Variants in PMM2 observed in about 807,000 individuals in gnomAD.
The protein encoded by PMM2 is mannose-6-phosphate isomerase.
In PMM2, 35 loss-of-function variants were observed where a neutral mutation model predicts 33.2. That is an observed-to-expected ratio of 1.06 (90% confidence interval 0.81 to 1.40). The LOEUF is 1.40. Among genes scored for constraint, PMM2 ranks in the 40% most tolerant of loss-of-function variants. The probability of loss-of-function intolerance (pLI) is 0.00; values close to 1 mark genes in which losing one functional copy is unlikely to be tolerated. For missense variants in PMM2, 386 were observed against 306.0 expected, an observed-to-expected ratio of 1.26 and a Z score of -1.95; for synonymous variants, 153 against 114.7, an observed-to-expected ratio of 1.33 and a Z score of -2.13.
intron 7 of PMM2, among the ~76,000 whole-genome samples, chr16:8,834,026 G>A (rs889837622): frequency 6.6e-6 from 1 of 151,952 alleles, no homozygotes; most frequent in African/African-American, 2.4e-5. Context: ...GAGATAGTAG[G>A]GATGACAAGT....
At chr16:8,845,937 C>T (rs1008813661) in intron 7 of PMM2, among the ~76,000 whole-genome samples, 2 of 151,630 alleles carry the variant, frequency 1.3e-5, no homozygotes, top group African/African-American at 2.4e-5. Flanking sequence ...ACCCTATGTC[C>T]GAAGGAAAAA....
Position 8,812,976 on chromosome 16 carries a change from G to C in PMM2, c.524-15G>C, listed in dbSNP as rs770574770. On this transcript the variant is annotated splice_polypyrimidine_tract_variant and intron_variant, in intron 6 of 7. Transcript: ENST00000268261. ...TTCACCTTTTGCCTTTGTGTGCCCC[G>C]TCCCCACCCGGCAGGAGGCCAGATC... 1.3e-6 allele frequency: 2 copies of C among 1,483,532 alleles called. No individual in the cohort carries two copies. The allele number at this position is 1,483,532 out of a possible 1,614,324, so 91.9% of individuals were successfully genotyped here. A position where few individuals can be genotyped will look rare whatever the true frequency, so the allele number is the denominator to read the frequency against.
Position 8,830,670 on chromosome 16 carries a change from G to A in PMM2, c.640-17054G>A, listed in dbSNP as rs531603562. Among the ~76,000 whole-genome samples, 10 of 152,318 alleles carry A rather than the reference G, an allele frequency of 6.6e-5. No individual in the cohort carries two copies. In the South Asian group the frequency reaches 1.9e-3, roughly 28 times the overall value. On this transcript the variant is annotated intron_variant, in intron 7 of 7. Coordinates refer to ENST00000268261, the MANE Select transcript of PMM2 (RefSeq NM_000303.3). The stretch of plus-strand genomic sequence containing the variant: ...AGCACTGATCTTAGGATTTACAAGC[G>A]ATGTTATTCTCAGGAGCAATGTGGG...
At chr16:8,820,177 A>G (rs1267851350) in intron 7 of PMM2, among the ~76,000 whole-genome samples, 2 of 152,124 alleles carry the variant, frequency 1.3e-5, no homozygotes, top group Non-Finnish European at 2.9e-5. Flanking sequence ...AGGCTGGGCA[A>G]CAGAGTGAAA....
intron 1 of PMM2, 101 bp downstream of exon 1, chr16:8,798,049 G>A (rs1039640759): frequency 2.6e-6 from 3 of 1,149,030 alleles, no homozygotes; most frequent in African/African-American, 1.5e-5. Context: ...GGGTGGCTAA[G>A]GACCGCCTAC....
At chr16:8,820,511 G>A (rs1229602068) in intron 7 of PMM2, among the ~76,000 whole-genome samples, 3 of 151,910 alleles carry the variant, frequency 2.0e-5, no homozygotes, top group East Asian at 1.9e-4. Flanking sequence ...CCACCACCAC[G>A]CCTGGCTAAT....
At chr16:8,836,649 A>G (rs1401276098) in intron 7 of PMM2, among the ~76,000 whole-genome samples, 2 of 151,904 alleles carry the variant, frequency 1.3e-5, no homozygotes. Context: ...AAGTCCTGTT[A>G]TGGGGTTTGA....
chr16:8,798,854 G>A (rs1478218382), intron 1 of PMM2, among the ~76,000 whole-genome samples: 1 of 152,122 alleles, frequency 6.6e-6, no homozygotes, highest in Non-Finnish European at 1.5e-5. Flanking sequence ...TTTTCGCTTG[G>A]TGGTAACAAT....
chr16:8,812,905 C>G (rs2060685283), intron 6 of PMM2, 86 bp from the exon 7 acceptor site: 2 of 832,638 alleles, frequency 2.4e-6, no homozygotes, highest in South Asian at 2.7e-5. Flanking sequence ...CACTAACTGA[C>G]AAAAGAGTAA....
chr16:8,825,233 A>G (rs980408674), intron 7 of PMM2, among the ~76,000 whole-genome samples: 6 of 152,030 alleles, frequency 3.9e-5, no homozygotes, highest in East Asian at 1.9e-4. Flanking sequence ...GGGTTTCACC[A>G]TGTTAGCCAG....
In PMM2 at chr16:8,832,072, G is replaced by T. The variant is rs540382541; in HGVS notation, c.640-15652G>T. On this transcript the variant is annotated intron_variant, in intron 7 of 7. Coordinates refer to ENST00000268261, the MANE Select transcript of PMM2 (RefSeq NM_000303.3). ...TCTAGCCTTATTATTCTAGAGGGCA[G>T]CCAGCTTTCCTTTCATTTCATTTGG... 9 of 903,732 alleles carry T rather than the reference G, an allele frequency of 1.0e-5. No individual in the cohort carries two copies. The Admixed American group carries it at 4.9e-4, about 50-fold the overall frequency. The allele number at this position is 903,732 out of a possible 1,614,324, so 56.0% of individuals were successfully genotyped here. A position where few individuals can be genotyped will look rare whatever the true frequency, so the allele number is the denominator to read the frequency against.
Position 8,832,330 on chromosome 16 carries a change from C to T in PMM2, c.640-15394C>T, listed in dbSNP as rs140486173. 3.9e-4 allele frequency: 388 copies of T among 985,420 alleles called. 1 individual carries two copies. The African/African-American group carries it at 6.2e-3, about 16-fold the overall frequency. 61.0% of individuals were successfully genotyped at this position (985,420 alleles called of 1,614,324 possible). The stretch of plus-strand genomic sequence containing the variant: ...AGCTGAGAAGCAACCCAGAGAGGCT[C>T]CTGCAGCCAGGGTCGGGAGGATTTC... On this transcript the variant is annotated intron_variant, in intron 7 of 7. Transcript: ENST00000268261.
chr16:8,830,862 G>A (rs1596499081), intron 7 of PMM2, among the ~76,000 whole-genome samples: 2 of 152,244 alleles, frequency 1.3e-5, no homozygotes, highest in South Asian at 4.1e-4. Context: ...CTATAGGCCG[G>A]GCAGGGTGGC....
rs769332588 is a variant in PMM2, at chr16:8,847,774, C to T, written c.690C>T (p.Ser230=). The change falls in exon 8 of 8, where the codon TCC becomes TCT. Residue 230 remains serine (S), a synonymous_variant. Transcript: ENST00000268261. The part of the protein sequence containing the change: ...IFTDPRTMGY[S]VTAPEDTRRI... The stretch of plus-strand genomic sequence containing the variant: ...CAGACCCCAGAACCATGGGCTACTC[C>T]GTGACAGCGCCTGAGGACACGCGCA... 3.5e-5 allele frequency: 56 copies of T among 1,613,914 alleles called. No homozygotes were observed. The highest frequency in any genetic ancestry group is 4.5e-5 in the Non-Finnish European group (53 of 1,179,954).
chr16:8,802,577 C>T (rs1249182520), intron 2 of PMM2, among the ~76,000 whole-genome samples: 1 of 152,106 alleles, frequency 6.6e-6, no homozygotes, highest in Non-Finnish European at 1.5e-5. Context: ...GCTTATAATC[C>T]CAGCACTTGG....
At chr16:8,799,511 C>T (rs2060599303) in intron 1 of PMM2, among the ~76,000 whole-genome samples, 1 of 151,834 alleles carries the variant, frequency 6.6e-6, no homozygotes. Flanking sequence ...GTATGCCATT[C>T]AGGAAAGTGC....
intron 7 of PMM2, among the ~76,000 whole-genome samples, chr16:8,833,623 A>C (rs964644004): frequency 1.3e-5 from 2 of 151,206 alleles, no homozygotes; most frequent in African/African-American, 4.9e-5. Context: ...AGAGTGGGAG[A>C]GATTAAGCTG....
At chr16:8,843,881 C>CAG (rs2060906886) in intron 7 of PMM2, among the ~76,000 whole-genome samples, 1 of 151,924 alleles carries the variant, frequency 6.6e-6, no homozygotes, top group South Asian at 2.1e-4. Flanking sequence ...GGGGAGAGGT[C>CAG]AGATGGGTCT....
chr16:8,834,785 A>G (rs1287753200), intron 7 of PMM2, among the ~76,000 whole-genome samples: 2 of 152,172 alleles, frequency 1.3e-5, no homozygotes, highest in Non-Finnish European at 2.9e-5. Context: ...CCATCAATAA[A>G]TCAAGCGTGA....
Sources: gnomAD v4.1 joint callset for allele counts (sites outside exome capture counted in the v4.1 genomes callset) on GRCh38, gnomAD v4.1.1 for gene constraint, MANE v1.5 for transcripts, NCBI Gene and HGNC (gene_info 2026-07-23, HGNC 2026-07-21) for gene names.